The following TRERF1 variants were observed in gnomAD, a reference collection of about 807,000 sequenced individuals.
TRERF1 encodes transcriptional-regulating factor 1.
Under a neutral mutation model 122.9 loss-of-function variants are expected in TRERF1, and 27 were observed. The ratio of observed to expected loss-of-function variants is 0.22; its 90% CI spans 0.16 to 0.30. The LOEUF is 0.30. Ranked by LOEUF, TRERF1 falls within the 10% of genes least tolerant of loss-of-function variation. The pLI is 1.00. For synonymous variants in TRERF1, 636 were observed against 641.7 expected (o/e 0.99, Z 0.13); for missense variants, 1,248 against 1,560.3 (o/e 0.80, Z 3.37).
rs114425676 is a variant in TRERF1, at chr6:42,420,751, T to C, written c.-454+30426A>G. Reference sequence around the variant, plus strand: ...CAAGAATCAAACCCAGGAGTTGGGATTGACTTTAGAGTGATGGTACAGGAT... The same window carrying C: ...CAAGAATCAAACCCAGGAGTTGGGACTGACTTTAGAGTGATGGTACAGGAT... On this transcript the variant is annotated intron_variant, in intron 2 of 17. Transcript: ENST00000372922. 2.1e-3 allele frequency among the ~76,000 whole-genome samples: 322 copies of C among 152,290 alleles called. 1 individual carries two copies. Among genetic ancestry groups the C allele is most frequent in the African/African-American group, 7.2e-3 (299 of 41,552 alleles).
At position 42,236,150 on chromosome 6, in the gene TRERF1, A is replaced by G. The variant is rs1460473111; in HGVS notation, c.3066+55T>C. On this transcript the variant is annotated intron_variant, in intron 16 of 17. Coordinates refer to ENST00000372922, the Ensembl canonical transcript of TRERF1. ...AATACATCATCTCTTAAAGCCAGGC[A>G]CAGCTATATGGCTCTCACTTGTCCC... 1.5e-5 allele frequency: 23 copies of G among 1,511,450 alleles called. No individual in the cohort carries two copies. In the South Asian group the frequency reaches 2.3e-4, roughly 15 times the overall value. The allele number at this position is 1,511,450 out of a possible 1,614,324, so 93.6% of individuals were successfully genotyped here. A position where few individuals can be genotyped will look rare whatever the true frequency, so the allele number is the denominator to read the frequency against.
At chr6:42,248,044 C>A (rs1461034326) in intron 13 of TRERF1, among the ~76,000 whole-genome samples, 1 of 152,210 alleles carries the variant, frequency 6.6e-6, no homozygotes, top group African/African-American at 2.4e-5. Context: ...GACTGCAGTA[C>A]AGGAAACCCT....
chr6:42,390,675 CG>C (rs1343239209), intron 2 of TRERF1, among the ~76,000 whole-genome samples: 4 of 152,178 alleles, frequency 2.6e-5, no homozygotes, highest in Non-Finnish European at 5.9e-5. Flanking sequence ...AAATCACAAC[CG>C]CCCGGCCCTC....
intron 2 of TRERF1, among the ~76,000 whole-genome samples, chr6:42,419,526 G>A (rs116805686): frequency 4.6e-5 from 7 of 152,152 alleles, no homozygotes; most frequent in East Asian, 1.9e-4. Context: ...TCTAAAGTGC[G>A]CAGAACCTCA....
intron 3 of TRERF1, among the ~76,000 whole-genome samples, chr6:42,308,788 G>T (rs772693749): frequency 6.6e-6 from 1 of 152,164 alleles, no homozygotes; most frequent in African/African-American, 2.4e-5. Flanking sequence ...CTACTTGAGG[G>T]GGGAGGGCAG....
intron 4 of TRERF1, among the ~76,000 whole-genome samples, chr6:42,270,878 T>C (rs1175978060): frequency 1.3e-5 from 2 of 149,862 alleles, no homozygotes; most frequent in Non-Finnish European, 3.0e-5. Flanking sequence ...GTTCAAGCGA[T>C]TCTCCTACCT....
intron 2 of TRERF1, among the ~76,000 whole-genome samples, chr6:42,434,726 A>G (rs1489139679): frequency 6.6e-6 from 1 of 150,804 alleles, no homozygotes; most frequent in Non-Finnish European, 1.5e-5. Context: ...AATAGGAGTT[A>G]TTCATGTAGA....
At chr6:42,226,000 A>G (rs1324871968) in exon 18 of TRERF1, 4 of 152,198 alleles carry the variant, frequency 2.6e-5, no homozygotes, top group Non-Finnish European at 1.5e-5. Context: ...CTAAAACACA[A>G]CACATACATG....
At position 42,374,839 on chromosome 6, in the gene TRERF1, C is replaced by T. The variant is rs138720327; in HGVS notation, c.-453-11760G>A. On this transcript the variant is annotated intron_variant, in intron 2 of 17. Transcript: ENST00000372922. ...TCTGGGCAACATGGTAAAACCCTGT[C>T]TCTACTAAAAAAATACAAAAAATTA... Among the ~76,000 whole-genome samples, 979 of 151,778 alleles carry T rather than the reference C, an allele frequency of 6.5e-3. 10 individuals carry two copies. Among genetic ancestry groups the T allele is most frequent in the African/African-American group, 0.022 (910 of 41,334 alleles).
At chr6:42,277,628 A>G (rs185467730) in intron 4 of TRERF1, among the ~76,000 whole-genome samples, 36 of 152,252 alleles carry the variant, frequency 2.4e-4, no homozygotes, top group Non-Finnish European at 2.9e-5. Flanking sequence ...AGGCCCACAG[A>G]TCACTTGAAC....
chr6:42,266,845 T>A (rs555658342), intron 5 of TRERF1, among the ~76,000 whole-genome samples: 1 of 152,318 alleles, frequency 6.6e-6, no homozygotes, highest in South Asian at 2.1e-4. Context: ...GACTGTTTTT[T>A]AAAAACCCTT....
intron 2 of TRERF1, among the ~76,000 whole-genome samples, chr6:42,375,114 A>G (rs1249731826): frequency 1.3e-5 from 2 of 152,104 alleles, no homozygotes; most frequent in African/African-American, 4.8e-5. Flanking sequence ...AGCTCAGGGT[A>G]AAGCGACTGT....
intron 13 of TRERF1, among the ~76,000 whole-genome samples, chr6:42,253,280 C>T (rs959370073): frequency 6.6e-6 from 1 of 152,128 alleles, no homozygotes; most frequent in Non-Finnish European, 1.5e-5. Context: ...CTAACCAGCC[C>T]AGAGGCTCTG....
intron 3 of TRERF1, among the ~76,000 whole-genome samples, chr6:42,322,104 C>G (rs900572180): frequency 6.6e-6 from 1 of 152,028 alleles, no homozygotes; most frequent in Non-Finnish European, 1.5e-5. Context: ...TGCACCGGGA[C>G]TCAGGAAGTA....
intron 2 of TRERF1, among the ~76,000 whole-genome samples, chr6:42,376,064 T>A (rs1254019089): frequency 6.6e-6 from 1 of 151,962 alleles, no homozygotes; most frequent in African/African-American, 2.4e-5. Context: ...CTGAAGGGGA[T>A]GTTTCTCGGC....
chr6:42,353,799 A>C (rs1360108934), intron 3 of TRERF1, among the ~76,000 whole-genome samples: 1 of 152,206 alleles, frequency 6.6e-6, no homozygotes, highest in African/African-American at 2.4e-5. Context: ...CAAGTAGTAT[A>C]ATTTCTTTAT....
intron 3 of TRERF1, among the ~76,000 whole-genome samples, chr6:42,306,019 T>G (rs1404284330): frequency 1.6e-5 from 2 of 122,360 alleles, no homozygotes; most frequent in African/African-American, 6.4e-5. Flanking sequence ...TTTTTTTTTT[T>G]GAGACAGAGT....
intron 2 of TRERF1, among the ~76,000 whole-genome samples, chr6:42,378,593 C>T (rs992287069): frequency 3.3e-5 from 5 of 152,132 alleles, no homozygotes; most frequent in African/African-American, 1.2e-4. Context: ...TTGGGAACAA[C>T]CTAGATCACT....
chr6:42,405,451 G>A (rs921489044), intron 2 of TRERF1, among the ~76,000 whole-genome samples: 18 of 152,086 alleles, frequency 1.2e-4, no homozygotes, highest in African/African-American at 2.9e-4. Flanking sequence ...GATGATGTAC[G>A]TTCAATTACA....
Sources: gnomAD v4.1 joint callset for allele counts (sites outside exome capture counted in the v4.1 genomes callset) on GRCh38, gnomAD v4.1.1 for gene constraint, MANE v1.5 for transcripts, NCBI Gene and HGNC (gene_info 2026-07-23, HGNC 2026-07-21) for gene names.